TLK2: variants seen among roughly 807,000 people sequenced by gnomAD.
TLK2 encodes tousled like kinase 2, also known as serine/threonine-protein kinase tousled-like 2.
Under a neutral mutation model 117.3 loss-of-function variants are expected in TLK2, and 6 were observed. The ratio of observed to expected loss-of-function variants is 0.05; its 90% confidence interval spans 0.03 to 0.10. The LOEUF (loss-of-function observed/expected upper bound fraction) is 0.10, where lower values mean the gene tolerates loss of function less well. Ranked by LOEUF, TLK2 falls within the 10% of genes least tolerant of loss-of-function variation. The pLI, the probability that TLK2 is intolerant of heterozygous loss-of-function variation, is 1.00. For synonymous variants in TLK2, 257 were observed against 316.7 expected, an observed-to-expected ratio of 0.81 and a Z score of 2.00; for missense variants, 299 against 901.2, an observed-to-expected ratio of 0.33 and a Z score of 8.56.
At chr17:62,514,813 A>C (rs2075439336) in intron 2 of TLK2, among the ~76,000 whole-genome samples, 2 of 152,064 alleles carry the variant, frequency 1.3e-5, no homozygotes, top group African/African-American at 2.4e-5. Context: ...TCCTGGCCTC[A>C]CGTGATCCAC....
intron 1 of TLK2, among the ~76,000 whole-genome samples, chr17:62,480,143 T>A (rs146230256): frequency 6.6e-6 from 1 of 152,374 alleles, no homozygotes; most frequent in African/African-American, 2.4e-5. Flanking sequence ...TACTGGAGAT[T>A]GTAGAGTTGT....
At chr17:62,598,531 T>TC (rs1312169927) in intron 17 of TLK2, among the ~76,000 whole-genome samples, 1 of 151,260 alleles carries the variant, frequency 6.6e-6, no homozygotes, top group African/African-American at 2.4e-5. Flanking sequence ...TTGTTTTCCT[T>TC]TTTTTTTTCC....
chr17:62,489,175 G>GTGTT (rs2072828133), intron 2 of TLK2, among the ~76,000 whole-genome samples: 2 of 5,446 alleles, frequency 3.7e-4, no homozygotes, highest in Admixed American at 6.0e-3. Context: ...TTAATTGTAC[G>GTGTT]TGTGTGTGTG....
At chr17:62,475,581 G>T (rs1197797019), upstream of TLK2, among the ~76,000 whole-genome samples, 1 of 151,524 alleles carries the variant, frequency 6.6e-6, no homozygotes, top group East Asian at 1.9e-4. Flanking sequence ...TCCTGACCTC[G>T]TGATCCACCC....
At chr17:62,592,854 T>C (rs1379701371) in intron 16 of TLK2, among the ~76,000 whole-genome samples, 2 of 152,214 alleles carry the variant, frequency 1.3e-5, no homozygotes, top group Non-Finnish European at 2.9e-5. Flanking sequence ...TCCCATCTGG[T>C]GGTCATGGGA....
chr17:62,554,155 A>G (rs1247257666), intron 9 of TLK2, among the ~76,000 whole-genome samples: 3 of 152,332 alleles, frequency 2.0e-5, no homozygotes, highest in Non-Finnish European at 4.4e-5. Flanking sequence ...TAACCTACTC[A>G]CCCAAACTTT....
intron 9 of TLK2, among the ~76,000 whole-genome samples, chr17:62,554,756 G>A (rs1361316736): frequency 3.3e-5 from 5 of 152,010 alleles, no homozygotes; most frequent in Non-Finnish European, 5.9e-5. Flanking sequence ...TGGTGTGTCT[G>A]TGGTCCCAGC....
chr17:62,475,114 GGAA>G (rs2071013685), upstream of TLK2, among the ~76,000 whole-genome samples: 1 of 152,140 alleles, frequency 6.6e-6, no homozygotes, highest in Admixed American at 6.5e-5. Context: ...GTTAGGAATT[GGAA>G]GAAGAGAGGA....
chr17:62,607,587 A>C (rs781490088), intron 20 of TLK2, among the ~76,000 whole-genome samples: 4 of 151,092 alleles, frequency 2.6e-5, no homozygotes, highest in Non-Finnish European at 5.9e-5. Flanking sequence ...AGTAACCCCA[A>C]CTCTTTCTTT....
chr17:62,595,283 CTTT>C (rs770158122), intron 16 of TLK2, among the ~76,000 whole-genome samples: 21 of 133,310 alleles, frequency 1.6e-4, no homozygotes, highest in Admixed American at 3.8e-4. Flanking sequence ...GCCTGGCCCC[CTTT>C]TTTTTTTTTT....
At chr17:62,478,042 C>T (rs1333006038), upstream of TLK2, 1 of 151,956 alleles carries the variant, frequency 6.6e-6, no homozygotes, top group East Asian at 2.0e-4. Flanking sequence ...GGCTTTGATC[C>T]CAGGGCACCT....
In TLK2 at chr17:62,584,400, C is replaced by T. The variant is rs368368992; in HGVS notation, c.1369-1735C>T. Among the ~76,000 whole-genome samples the T allele has an allele frequency of 2.2e-4, 34 of 152,172 alleles. No homozygotes were observed. The East Asian group carries it at 6.6e-3, about 29-fold the overall frequency. ...AAAGTGCTGAGATTACAGGTGTGAG[C>T]CATCGCGCCCGGCTTATTTAATGTT... On this transcript the variant is annotated intron_variant, in intron 15 of 21. Coordinates refer to ENST00000346027, the MANE Select transcript of TLK2 (RefSeq NM_006852.6).
intron 6 of TLK2, among the ~76,000 whole-genome samples, chr17:62,534,215 C>T (rs1410941247): frequency 6.6e-5 from 10 of 151,940 alleles, no homozygotes; most frequent in Admixed American, 5.9e-4. Context: ...AAACAACTGC[C>T]CAAGAAAGCA....
chr17:62,485,690 G>A (rs1286779722), intron 2 of TLK2, among the ~76,000 whole-genome samples: 3 of 150,770 alleles, frequency 2.0e-5, no homozygotes, highest in Non-Finnish European at 4.4e-5. Context: ...AAGTAGTAAT[G>A]TGCACCCAAA....
At chr17:62,602,832 G>A (rs1406072126) in intron 19 of TLK2, among the ~76,000 whole-genome samples, 1 of 152,004 alleles carries the variant, frequency 6.6e-6, no homozygotes, top group Non-Finnish European at 1.5e-5. Context: ...TATTACCTTT[G>A]GCCATTAGAA....
Position 62,612,820 on chromosome 17 carries a change from G to A in TLK2, c.*255G>A, listed in dbSNP as rs1191637941. ...CCAGCGTCAACGGCCACTGTGTGTGGCTGCTCTGAGTGAGGAAAAAATTAA... is the reference window on the plus strand; with the variant it reads ...CCAGCGTCAACGGCCACTGTGTGTGACTGCTCTGAGTGAGGAAAAAATTAA... On this transcript the variant is annotated 3_prime_UTR_variant, in exon 22 of 22. Coordinates refer to ENST00000346027, the MANE Select transcript of TLK2 (RefSeq NM_006852.6). The A allele has an allele frequency of 9.7e-6, 3 of 308,402 alleles. No homozygotes were observed. The highest frequency in any genetic ancestry group is 1.8e-5 in the Non-Finnish European group (3 of 169,112). 19.1% of individuals were successfully genotyped at this position (308,402 alleles called of 1,614,324 possible).
At chr17:62,553,838 T>C in intron 9 of TLK2, 83 bp downstream of exon 9, 1 of 852,384 alleles carries the variant, frequency 1.2e-6, no homozygotes, top group Non-Finnish European at 1.9e-6. Context: ...TAGAAGTAAT[T>C]ACTATAGCCA....
intron 9 of TLK2, among the ~76,000 whole-genome samples, chr17:62,559,492 C>T (rs1309145352): frequency 6.6e-6 from 1 of 151,902 alleles, no homozygotes; most frequent in Non-Finnish European, 1.5e-5. Flanking sequence ...ATTCTCCCGC[C>T]TCAGCCTCCC....
chr17:62,555,811 G>C (rs1438629988), intron 9 of TLK2, among the ~76,000 whole-genome samples: 1 of 151,656 alleles, frequency 6.6e-6, no homozygotes, highest in Admixed American at 6.6e-5. Context: ...TTTTGAGACA[G>C]GATCTCACTC....
Sources: gnomAD v4.1 joint callset for allele counts (sites outside exome capture counted in the v4.1 genomes callset) on GRCh38, gnomAD v4.1.1 for gene constraint, MANE v1.5 for transcripts, NCBI Gene and HGNC (gene_info 2026-07-23, HGNC 2026-07-21) for gene names.